The following ARID1A variants were observed in gnomAD, a reference collection of about 807,000 sequenced individuals.
The protein encoded by ARID1A is AT-rich interactive domain-containing protein 1A.
A neutral mutation model predicts 212.6 loss-of-function variants in ARID1A; 20 were observed. The observed-to-expected ratio is 0.09, with a 90% CI of 0.07 to 0.14. The LOEUF is 0.14. Among genes scored for constraint, ARID1A ranks in the 10% least tolerant of loss-of-function variants. ARID1A has a pLI of 1.00. For missense variants in ARID1A, 2,587 were observed against 3,059.0 expected, an observed-to-expected ratio of 0.85 and a Z score of 3.64; for synonymous variants, 1,376 against 1,222.1, an observed-to-expected ratio of 1.13 and a Z score of -2.63.
At chr1:26,737,879 G>GA (rs2080749490) in intron 4 of ARID1A, among the ~76,000 whole-genome samples, 1 of 151,024 alleles carries the variant, frequency 6.6e-6, no homozygotes, top group African/African-American at 2.4e-5. Flanking sequence ...AAAAAAAAAA[G>GA]AAAAAATTAA....
At chr1:26,719,576 G>A (rs942899402) in intron 1 of ARID1A, among the ~76,000 whole-genome samples, 3 of 151,738 alleles carry the variant, frequency 2.0e-5, no homozygotes, top group Admixed American at 6.6e-5. Context: ...GATGATTCTG[G>A]TGCCAAGGGA....
At chr1:26,729,930 T>A in intron 2 of ARID1A, 67 bp downstream of exon 2, 1 of 1,543,028 alleles carries the variant, frequency 6.5e-7, no homozygotes, top group East Asian at 2.3e-5. Flanking sequence ...AGCTATAGAA[T>A]CAGAATGTAT....
At chr1:26,743,845 C>G (rs2080811099) in intron 4 of ARID1A, among the ~76,000 whole-genome samples, 1 of 151,690 alleles carries the variant, frequency 6.6e-6, no homozygotes, top group African/African-American at 2.4e-5. Context: ...AGTTTCTGTT[C>G]CCTTTTGTTC....
At chr1:26,735,183 T>A (rs2080717721) in intron 4 of ARID1A, among the ~76,000 whole-genome samples, 1 of 150,994 alleles carries the variant, frequency 6.6e-6, no homozygotes, top group Non-Finnish European at 1.5e-5. Context: ...TGGAGTGCAA[T>A]GGCACGATCT....
intron 4 of ARID1A, among the ~76,000 whole-genome samples, chr1:26,756,917 T>C (rs549501795): frequency 1.1e-4 from 16 of 152,106 alleles, no homozygotes; most frequent in African/African-American, 3.6e-4. Flanking sequence ...TTAGCCAGTA[T>C]GGTCTCGATT....
chr1:26,781,106 T>C lies in ARID1A; in HGVS notation c.*350T>C. 3.7e-6 allele frequency: 1 copy of C among 272,998 alleles called. No homozygotes were observed. The highest frequency in any genetic ancestry group is 1.6e-4 in the South Asian group (1 of 6,090). 16.9% of individuals were successfully genotyped at this position (272,998 alleles called of 1,614,324 possible). On this transcript the variant is annotated 3_prime_UTR_variant, in exon 20 of 20. Transcript: ENST00000324856. ...GGAAAAAAAATAAAATAAAAATGGCTTTCCCAGTCCTTGCATCAACGGGAT... is the reference window on the plus strand; with the variant it reads ...GGAAAAAAAATAAAATAAAAATGGCCTTCCCAGTCCTTGCATCAACGGGAT...
chr1:26,722,327 C>T (rs2080572921), intron 1 of ARID1A, among the ~76,000 whole-genome samples: 1 of 152,108 alleles, frequency 6.6e-6, no homozygotes, highest in African/African-American at 2.4e-5. Context: ...CTCACTACAA[C>T]CTCTGCCTCC....
chr1:26,736,882 AC>A (rs1570581138), intron 4 of ARID1A, among the ~76,000 whole-genome samples: 1 of 150,476 alleles, frequency 6.6e-6, no homozygotes, highest in East Asian at 1.9e-4. Context: ...AGCCTGGGCA[AC>A]AAGAGTGAAA....
rs1449463853 is a variant in ARID1A at position 26,760,960 on chromosome 1, T to A, written c.2025T>A (p.Asn675Lys). 1 of 1,614,036 alleles carries A rather than the reference T, an allele frequency of 6.2e-7. No homozygotes were observed. The highest frequency in any genetic ancestry group is 8.5e-7 in the Non-Finnish European group (1 of 1,180,004). ...CCAGCAGCCAAGGAGAGCAGAGTAA[T>A]CCAGCTCAGTCTCCTTTCTCTCCTC... ...GISSSQGEQS[N>K]PAQSPFSPHT... The change falls in exon 5 of 20, where the codon AAT (asparagine) becomes AAA (lysine). Residue 675 changes from asparagine to lysine, a missense_variant. Physicochemically the swap from Asn to Lys is moderately conservative, Grantham distance 94. Transcript: ENST00000324856.
chr1:26,761,243 C>CCT, intron 5 of ARID1A, 141 bp from the exon 6 acceptor site: 1 of 1,457,124 alleles, frequency 6.9e-7, no homozygotes, highest in Non-Finnish European at 9.3e-7. Flanking sequence ...GAGATTGGAA[C>CCT]CTGTTGGCTG....
intron 3 of ARID1A, among the ~76,000 whole-genome samples, chr1:26,731,989 C>G (rs565147888): frequency 6.6e-6 from 1 of 152,144 alleles, no homozygotes; most frequent in Non-Finnish European, 1.5e-5. Context: ...ACTGTACATT[C>G]ACTCCAACTG....
Position 26,744,247 on chromosome 1 carries a change from G to A in ARID1A, c.1920+11455G>A, listed in dbSNP as rs2080815821. Among the ~76,000 whole-genome samples, 4 of 152,208 alleles carry A rather than the reference G, an allele frequency of 2.6e-5. No homozygotes were observed. In the South Asian group the frequency reaches 8.3e-4, roughly 32 times the overall value. On this transcript the variant is annotated intron_variant, in intron 4 of 19. Transcript: ENST00000324856. ...CTGCCTGCTGACTGCCTGAGCCTGTGCTGCTTGCAGCAGATTACTGTATGC... is the reference window on the plus strand; with the variant it reads ...CTGCCTGCTGACTGCCTGAGCCTGTACTGCTTGCAGCAGATTACTGTATGC...
chr1:26,715,498 A>C (rs1198279359), intron 1 of ARID1A, among the ~76,000 whole-genome samples: 1 of 152,162 alleles, frequency 6.6e-6, no homozygotes, highest in Non-Finnish European at 1.5e-5. Context: ...GGGAGGAAGT[A>C]CCTTTTTCTG....
In ARID1A at chr1:26,696,913, C is replaced by T. The variant is rs1236613492; in HGVS notation, c.510C>T (p.His170=). The T allele has an allele frequency of 1.4e-6, 2 of 1,406,086 alleles. No homozygotes were observed. The highest frequency in any genetic ancestry group is 5.7e-5 in the East Asian group (2 of 34,872). 87.1% of individuals were successfully genotyped at this position (1,406,086 alleles called of 1,614,324 possible). A position where few individuals can be genotyped will look rare whatever the true frequency, so the allele number is the denominator to read the frequency against. ...CCGCCGCCGCGGCCGCCGTCTTCCA[C>T]CAACAACATGGCGGACAACAAAGCC... The part of the protein sequence containing the change: ...AVAAAAAAVF[H]QQHGGQQSPG... Residue 170 remains histidine, a synonymous_variant, in exon 1 of 20, where the codon CAC becomes CAT. Coordinates refer to ENST00000324856, the MANE Select transcript of ARID1A (RefSeq NM_006015.6).
At chr1:26,772,431 C>T (rs543477564) in intron 12 of ARID1A, 69 bp from the exon 13 acceptor site, 99 of 1,603,432 alleles carry the variant, frequency 6.2e-5, no homozygotes, top group Non-Finnish European at 7.4e-5. Flanking sequence ...CTGGGTCGTT[C>T]GTGTGTTTGT....
intron 4 of ARID1A, among the ~76,000 whole-genome samples, chr1:26,760,126 GA>G (rs1198303140): frequency 6.6e-6 from 1 of 152,194 alleles, no homozygotes; most frequent in East Asian, 1.9e-4. Context: ...TTTGCTATTA[GA>G]AAAGAACTAA....
intron 4 of ARID1A, among the ~76,000 whole-genome samples, chr1:26,755,751 T>G (rs1282642895): frequency 6.7e-6 from 1 of 149,960 alleles, no homozygotes; most frequent in Admixed American, 6.6e-5. Flanking sequence ...GTTTTTTGGT[T>G]TTTTTTTTTT....
chr1:26,757,825 C>T (rs1013906036), intron 4 of ARID1A, among the ~76,000 whole-genome samples: 20 of 152,208 alleles, frequency 1.3e-4, no homozygotes, highest in African/African-American at 4.6e-4. Flanking sequence ...CCCACCACCA[C>T]GCCCGGGTTT....
At chr1:26,747,043 A>AAC (rs1385409354) in intron 4 of ARID1A, among the ~76,000 whole-genome samples, 4 of 152,292 alleles carry the variant, frequency 2.6e-5, no homozygotes, top group African/African-American at 7.2e-5. Flanking sequence ...TCCGTGTCAA[A>AAC]AAAACAAAAC....
Sources: allele counts gnomAD v4.1 joint callset (sites outside exome capture counted in the v4.1 genomes callset), GRCh38; gene constraint gnomAD v4.1.1; transcripts MANE v1.5; gene names NCBI Gene and HGNC (gene_info 2026-07-23, HGNC 2026-07-21).